The following CHD9 variants were observed in gnomAD, a reference collection of about 807,000 sequenced individuals.
The protein encoded by CHD9 is ATP-dependent chromatin remodeler CHD9.
In CHD9, 77 loss-of-function variants were observed where a neutral mutation model predicts 316.1. The ratio of observed to expected loss-of-function variants is 0.24; its 90% CI spans 0.20 to 0.29. CHD9 has a LOEUF of 0.29. Among genes scored for constraint, CHD9 ranks in the 10% least tolerant of loss-of-function variants. The pLI is 1.00. For missense variants in CHD9, 2,763 were observed against 3,438.1 expected (o/e 0.80, Z 4.91); for synonymous variants, 1,129 against 1,158.3 (o/e 0.97, Z 0.51).
At chr16:53,205,094 G>T (rs961690548) in intron 2 of CHD9, among the ~76,000 whole-genome samples, 3 of 152,116 alleles carry the variant, frequency 2.0e-5, no homozygotes, top group Non-Finnish European at 2.9e-5. Context: ...CATCCACCTT[G>T]GCCTCCCCAA....
chr16:53,149,445 T>G (rs2040904980), intron 1 of CHD9, among the ~76,000 whole-genome samples: 1 of 152,176 alleles, frequency 6.6e-6, no homozygotes, highest in African/African-American at 2.4e-5. Flanking sequence ...TTCATAAATT[T>G]TGTGGGTCTG....
At position 53,216,010 on chromosome 16, in the gene CHD9, A is replaced by C. The variant is rs181645696; in HGVS notation, c.1784+6197A>C. 2.5e-4 allele frequency among the ~76,000 whole-genome samples: 38 copies of C among 152,238 alleles called. 2 individuals are homozygous for C. The highest frequency in any genetic ancestry group is 9.1e-4 in the African/African-American group (38 of 41,542). ...TCCTTGCCTGAGTATCTGTTGCTAC[A>C]TTTTGCTAACATTGATAACAGATCC... On this transcript the variant is annotated intron_variant, in intron 3 of 38. Transcript: ENST00000447540.
intron 2 of CHD9, among the ~76,000 whole-genome samples, chr16:53,181,010 ATTTTTTTTT>A (rs202227552): frequency 7.5e-6 from 1 of 133,240 alleles, no homozygotes; most frequent in African/African-American, 2.8e-5. Flanking sequence ...GAGAGACACG[ATTTTTTTTT>A]TTTTTTTTGA....
At chr16:53,071,674 A>G (rs2034063590) in intron 1 of CHD9, among the ~76,000 whole-genome samples, 1 of 152,134 alleles carries the variant, frequency 6.6e-6, no homozygotes, top group Non-Finnish European at 1.5e-5. Context: ...TGAAGCAGAA[A>G]CAGTCACTCA....
chr16:53,171,810 CT>C (rs1157561023), intron 2 of CHD9, among the ~76,000 whole-genome samples: 1 of 149,870 alleles, frequency 6.7e-6, no homozygotes, highest in Non-Finnish European at 1.5e-5. Flanking sequence ...GAGGGAGACC[CT>C]ATCTCAAAAC....
chr16:53,275,209 G>A (rs182540052), intron 24 of CHD9, among the ~76,000 whole-genome samples: 21 of 151,972 alleles, frequency 1.4e-4, no homozygotes, highest in Admixed American at 6.6e-4. Flanking sequence ...TGTATTTTTA[G>A]TAGAGACGAG....
chr16:53,171,287 C>T (rs1255419460), intron 2 of CHD9, among the ~76,000 whole-genome samples: 1 of 151,924 alleles, frequency 6.6e-6, no homozygotes, highest in Non-Finnish European at 1.5e-5. Flanking sequence ...GGCATGGTGG[C>T]GGGCGCCTGT....
chr16:53,172,850 C>T (rs2042864060), intron 2 of CHD9, among the ~76,000 whole-genome samples: 1 of 152,006 alleles, frequency 6.6e-6, no homozygotes. Flanking sequence ...AATTTTTGCC[C>T]ACTTACAAAA....
intron 34 of CHD9, among the ~76,000 whole-genome samples, chr16:53,314,030 T>C (rs1354680258): frequency 6.6e-6 from 1 of 152,140 alleles, no homozygotes. Flanking sequence ...TAAATGATTT[T>C]TTTTAAAAAA....
At chr16:53,167,121 T>G (rs1334855343) in intron 2 of CHD9, among the ~76,000 whole-genome samples, 21 of 152,196 alleles carry the variant, frequency 1.4e-4, no homozygotes, top group East Asian at 3.9e-4. Context: ...TAGGCCATAT[T>G]ATAAAATACA....
chr16:53,215,053 C>T (rs2046633053), intron 3 of CHD9, among the ~76,000 whole-genome samples: 1 of 152,036 alleles, frequency 6.6e-6, no homozygotes, highest in Admixed American at 6.5e-5. Context: ...GCTGGGACTA[C>T]AGGTGCCCGC....
chr16:53,125,314 C>G (rs1597065383), intron 1 of CHD9, among the ~76,000 whole-genome samples: 1 of 149,442 alleles, frequency 6.7e-6, no homozygotes, highest in African/African-American at 2.5e-5. Context: ...ACCTCCACCT[C>G]CTGGGTTCAA....
At chr16:53,283,232 C>A (rs2053574639) in intron 24 of CHD9, among the ~76,000 whole-genome samples, 1 of 152,144 alleles carries the variant, frequency 6.6e-6, no homozygotes, top group Non-Finnish European at 1.5e-5. Flanking sequence ...ATTGCATGTC[C>A]ATCTTTACAA....
chr16:53,089,278 A>G (rs949221828), intron 1 of CHD9, among the ~76,000 whole-genome samples: 23 of 152,110 alleles, frequency 1.5e-4, no homozygotes, highest in Non-Finnish European at 3.4e-4. Flanking sequence ...AGAGTGAGAT[A>G]CTGTCTCAAA....
chr16:53,087,773 C>A (rs1395965293), intron 1 of CHD9, among the ~76,000 whole-genome samples: 1 of 151,970 alleles, frequency 6.6e-6, no homozygotes, highest in Non-Finnish European at 1.5e-5. Context: ...CATGATGAAA[C>A]CTTGTCTCTA....
chr16:53,305,189 G>A (rs1247580504), intron 31 of CHD9, among the ~76,000 whole-genome samples: 1 of 152,072 alleles, frequency 6.6e-6, no homozygotes, highest in African/African-American at 2.4e-5. Flanking sequence ...AGCCTCCTGA[G>A]TAGCTAGGAT....
chr16:53,321,453 A>C lies in CHD9; in HGVS notation c.7714-73A>C, dbSNP rs140792016. The C allele has an allele frequency of 8.2e-5, 119 of 1,444,876 alleles. No homozygotes were observed. The East Asian group carries it at 2.5e-3, about 30-fold the overall frequency. 89.5% of individuals were successfully genotyped at this position (1,444,876 alleles called of 1,614,324 possible). On this transcript the variant is annotated intron_variant, in intron 37 of 38. Transcript: ENST00000447540. ...TATTTTAAGGAAATAAACTCTGTAGAGCATACAATAAAAGCAATCAAGAGT... is the reference window on the plus strand; with the variant it reads ...TATTTTAAGGAAATAAACTCTGTAGCGCATACAATAAAAGCAATCAAGAGT...
At chr16:53,153,854 T>C (rs962581147) in intron 1 of CHD9, among the ~76,000 whole-genome samples, 1 of 152,190 alleles carries the variant, frequency 6.6e-6, no homozygotes, top group Non-Finnish European at 1.5e-5. Context: ...TCCAGATTTA[T>C]TTATGATATG....
At chr16:53,141,093 A>G (rs1028738018) in intron 1 of CHD9, among the ~76,000 whole-genome samples, 3 of 152,232 alleles carry the variant, frequency 2.0e-5, no homozygotes, top group South Asian at 2.1e-4. Flanking sequence ...TGAAAGCTCA[A>G]TTTGTAAAAT....
Sources: gnomAD v4.1 joint callset for allele counts (sites outside exome capture counted in the v4.1 genomes callset) on GRCh38, gnomAD v4.1.1 for gene constraint, MANE v1.5 for transcripts, NCBI Gene and HGNC (gene_info 2026-07-23, HGNC 2026-07-21) for gene names.